Variants in NRG1 observed in about 807,000 individuals in gnomAD.
The protein encoded by NRG1 is neuregulin 1.
Under a neutral mutation model 63.8 loss-of-function variants are expected in NRG1, and 18 were observed. That is an observed-to-expected ratio of 0.28 (90% CI 0.19 to 0.42). The LOEUF (loss-of-function observed/expected upper bound fraction) is 0.42, where lower values mean the gene tolerates loss of function less well. Among genes scored for constraint, NRG1 ranks in the 10% least tolerant of loss-of-function variants. NRG1 has a pLI of 1.00. For missense variants in NRG1, 762 were observed against 814.7 expected (o/e 0.94, Z 0.79); for synonymous variants, 302 against 301.3 (o/e 1.00, Z -0.02).
rs370116351 is a variant in NRG1 at position 31,730,155 on chromosome 8, T to TATC, written c.37+90724_37+90725insATC. ...TTGATTAATCCAAAATTGGTTAGAT[T>TATC]CAGGAATGGAAATCTGCATAGACTT... On this transcript the variant is annotated intron_variant, in intron 1 of 10. Transcript: ENST00000519301. 3.8e-3 allele frequency among the ~76,000 whole-genome samples: 584 copies of TATC among 152,306 alleles called. 1 individual carries two copies. Among genetic ancestry groups the TATC allele is most frequent in the South Asian group, 0.019 (90 of 4,826 alleles).
At chr8:31,815,298 G>T (rs1315918180) in intron 1 of NRG1, among the ~76,000 whole-genome samples, 1 of 152,022 alleles carries the variant, frequency 6.6e-6, no homozygotes, top group Non-Finnish European at 1.5e-5. Flanking sequence ...CTGTTTTTAT[G>T]ATTTTGGCTA....
intron 1 of NRG1, among the ~76,000 whole-genome samples, chr8:31,765,092 T>G (rs1357101263): frequency 1.3e-5 from 2 of 152,084 alleles, no homozygotes; most frequent in Non-Finnish European, 2.9e-5. Context: ...ATTTTTTGAG[T>G]GATTATAAGT....
intron 1 of NRG1, among the ~76,000 whole-genome samples, chr8:32,124,371 G>A (rs1481735): frequency 0.083 from 12,542 of 151,700 alleles, 734 homozygotes; most frequent in East Asian, 0.23. Flanking sequence ...CCTGACACTC[G>A]GTTGAAGTCT....
intron 1 of NRG1, among the ~76,000 whole-genome samples, chr8:32,161,592 A>C (rs962187251): frequency 2.6e-5 from 4 of 151,716 alleles, no homozygotes; most frequent in African/African-American, 9.7e-5. Flanking sequence ...TGTTTTTATG[A>C]TTTAGCCAAA....
At chr8:32,308,896 A>G (rs1856516374) in intron 1 of NRG1, among the ~76,000 whole-genome samples, 2 of 152,146 alleles carry the variant, frequency 1.3e-5, no homozygotes, top group Non-Finnish European at 2.9e-5. Flanking sequence ...TCCTTCCTCT[A>G]TGGCCTGGGG....
At chr8:32,290,525 T>A (rs890980576) in intron 1 of NRG1, among the ~76,000 whole-genome samples, 1 of 152,156 alleles carries the variant, frequency 6.6e-6, no homozygotes, top group African/African-American at 2.4e-5. Context: ...GAGATTTTTT[T>A]GAGGCTCAGA....
intron 5 of NRG1, among the ~76,000 whole-genome samples, chr8:32,672,372 T>A (rs1805919472): frequency 6.6e-6 from 1 of 152,220 alleles, no homozygotes; most frequent in South Asian, 2.1e-4. Flanking sequence ...TATTTTTAAA[T>A]ATTTTTTATT....
intron 1 of NRG1, among the ~76,000 whole-genome samples, chr8:31,928,851 A>C (rs1288736140): frequency 6.6e-6 from 1 of 152,180 alleles, no homozygotes; most frequent in African/African-American, 2.4e-5. Context: ...GGTATAACGG[A>C]CATTGGAGAC....
At chr8:32,130,539 G>A (rs924063870) in intron 1 of NRG1, among the ~76,000 whole-genome samples, 3 of 151,840 alleles carry the variant, frequency 2.0e-5, no homozygotes, top group Non-Finnish European at 2.9e-5. Flanking sequence ...TGTTTGCCTT[G>A]TTTCAAGCCT....
intron 4 of NRG1, among the ~76,000 whole-genome samples, chr8:32,616,007 A>C (rs1045874034): frequency 6.6e-6 from 1 of 152,120 alleles, no homozygotes; most frequent in Admixed American, 6.6e-5. Flanking sequence ...TTTATATGGA[A>C]CTTATCTTGG....
At chr8:32,358,382 A>C (rs1806746501) in intron 1 of NRG1, among the ~76,000 whole-genome samples, 1 of 151,720 alleles carries the variant, frequency 6.6e-6, no homozygotes, top group South Asian at 2.1e-4. Context: ...AAAAAAAAAA[A>C]AAAAAAAAAC....
At chr8:32,466,074 G>A (rs1057254076) in intron 1 of NRG1, among the ~76,000 whole-genome samples, 1 of 152,116 alleles carries the variant, frequency 6.6e-6, no homozygotes, top group African/African-American at 2.4e-5. Flanking sequence ...AGGCCGAGAT[G>A]GGCTGATCGC....
At chr8:32,486,842 C>A (rs1429715988) in intron 1 of NRG1, among the ~76,000 whole-genome samples, 1 of 152,062 alleles carries the variant, frequency 6.6e-6, no homozygotes, top group Non-Finnish European at 1.5e-5. Flanking sequence ...CCAGGCTGGT[C>A]TCAAATTCCT....
chr8:32,169,343 G>A (rs1363446191), intron 1 of NRG1, among the ~76,000 whole-genome samples: 1 of 152,134 alleles, frequency 6.6e-6, no homozygotes, highest in African/African-American at 2.4e-5. Flanking sequence ...TACTTTTCCA[G>A]TAGCCTTGAG....
chr8:32,158,448 G>GATAGATATATAGATATATATATATATAT (rs1491221971), intron 1 of NRG1, among the ~76,000 whole-genome samples: 2 of 62,184 alleles, frequency 3.2e-5, no homozygotes, highest in Non-Finnish European at 7.8e-5. Flanking sequence ...TGGTTTACAT[G>GATAGATATATAGATATATATATATATAT]ATATATATAT....
At chr8:32,739,204 C>G (rs900417521) in intron 6 of NRG1, among the ~76,000 whole-genome samples, 1 of 152,158 alleles carries the variant, frequency 6.6e-6, no homozygotes, top group African/African-American at 2.4e-5. Flanking sequence ...CTCCCTTTTC[C>G]CAGTTCAGGG....
chr8:31,789,069 A>C (rs1211938531), intron 1 of NRG1, among the ~76,000 whole-genome samples: 1 of 152,188 alleles, frequency 6.6e-6, no homozygotes, highest in East Asian at 1.9e-4. Context: ...GAATCAAGAA[A>C]TTTTGGTTCT....
intron 1 of NRG1, among the ~76,000 whole-genome samples, chr8:31,947,963 A>AC (rs905749139): frequency 1.3e-4 from 19 of 150,786 alleles, no homozygotes; most frequent in African/African-American, 4.6e-4. Context: ...AAAAAAAAAA[A>AC]AAAAAAAAAC....
At chr8:31,845,307 T>C (rs965746629) in intron 1 of NRG1, among the ~76,000 whole-genome samples, 5 of 152,144 alleles carry the variant, frequency 3.3e-5, no homozygotes, top group African/African-American at 1.2e-4. Context: ...GGGAAAATCC[T>C]CCTAAAAAGA....
Sources: gnomAD v4.1 joint callset for allele counts (sites outside exome capture counted in the v4.1 genomes callset) on GRCh38, gnomAD v4.1.1 for gene constraint, MANE v1.5 for transcripts, NCBI Gene and HGNC (gene_info 2026-07-23, HGNC 2026-07-21) for gene names.